The following SORCS3 variants were observed in gnomAD, a reference collection of about 807,000 sequenced individuals.
The protein encoded by SORCS3 is sortilin related VPS10 domain containing receptor 3.
SORCS3 carries 57 observed loss-of-function variants against 146.3 expected under a neutral mutation model. The observed-to-expected ratio is 0.39, with a 90% CI of 0.31 to 0.49. SORCS3 has a LOEUF of 0.49. Ranked by LOEUF, SORCS3 falls within the 20% of genes least tolerant of loss-of-function variation. The pLI is 0.92. For synonymous variants in SORCS3, 653 were observed against 618.5 expected, an observed-to-expected ratio of 1.06 and a Z score of -0.83; for missense variants, 1,341 against 1,575.5, an observed-to-expected ratio of 0.85 and a Z score of 2.52.
At chr10:105,016,447 C>A (rs993823778) in intron 4 of SORCS3, among the ~76,000 whole-genome samples, 1 of 151,704 alleles carries the variant, frequency 6.6e-6, no homozygotes, top group African/African-American at 2.4e-5. Context: ...CTGTGCCTGG[C>A]CTTATAAATA....
intron 2 of SORCS3, among the ~76,000 whole-genome samples, chr10:104,890,601 C>T (rs1264878166): frequency 6.6e-6 from 1 of 152,082 alleles, no homozygotes; most frequent in African/African-American, 2.4e-5. Context: ...GCTTCTTGAA[C>T]TTGTGGAATA....
At chr10:105,220,023 A>G (rs1364658184) in intron 19 of SORCS3, among the ~76,000 whole-genome samples, 1 of 152,206 alleles carries the variant, frequency 6.6e-6, no homozygotes, top group African/African-American at 2.4e-5. Flanking sequence ...CTGGGCCATT[A>G]GCTAACAAAA....
chr10:104,877,691 C>T (rs534129213), intron 2 of SORCS3, among the ~76,000 whole-genome samples: 2 of 152,060 alleles, frequency 1.3e-5, no homozygotes, highest in Non-Finnish European at 2.9e-5. Flanking sequence ...GGACAGAAAA[C>T]AGGCTAAGAG....
At chr10:104,914,985 AAGGG>A (rs2019009859) in intron 2 of SORCS3, among the ~76,000 whole-genome samples, 1 of 150,784 alleles carries the variant, frequency 6.6e-6, no homozygotes, top group Non-Finnish European at 1.5e-5. Flanking sequence ...GTGGTGGAAA[AAGGG>A]AGGGAGGTCT....
chr10:104,842,384 T>C (rs1330612141), intron 1 of SORCS3, among the ~76,000 whole-genome samples: 4 of 152,212 alleles, frequency 2.6e-5, no homozygotes, highest in African/African-American at 9.6e-5. Context: ...ACCCTTTTAG[T>C]TCCAATTCTG....
At chr10:105,204,939 A>G (rs919557583) in intron 16 of SORCS3, among the ~76,000 whole-genome samples, 6 of 152,216 alleles carry the variant, frequency 3.9e-5, no homozygotes, top group African/African-American at 1.2e-4. Context: ...TTTAATGCTA[A>G]TGCTAGAAAT....
chr10:104,956,782 A>T (rs1300124716), intron 3 of SORCS3, among the ~76,000 whole-genome samples: 6 of 152,166 alleles, frequency 3.9e-5, no homozygotes, highest in Non-Finnish European at 7.3e-5. Flanking sequence ...CACGTAACTG[A>T]ATGACCAAAT....
chr10:104,762,352 G>C (rs2017130778), intron 1 of SORCS3, among the ~76,000 whole-genome samples: 1 of 152,166 alleles, frequency 6.6e-6, no homozygotes, highest in Non-Finnish European at 1.5e-5. Context: ...GTTATTTCAA[G>C]CTAACAATGT....
intron 1 of SORCS3, 68 bp downstream of exon 1, chr10:104,642,022 G>GGGGGCCCCC: frequency 1.7e-5 from 3 of 173,336 alleles, no homozygotes; most frequent in East Asian, 1.5e-4. Flanking sequence ...GGGTGGGTGG[G>GGGGGCCCCC]AGCGAGGGAC....
intron 3 of SORCS3, among the ~76,000 whole-genome samples, chr10:104,950,653 C>T (rs1314116928): frequency 6.6e-6 from 1 of 152,116 alleles, no homozygotes; most frequent in African/African-American, 2.4e-5. Flanking sequence ...GAAGGGCTAG[C>T]ACAAGTGGCT....
intron 22 of SORCS3, among the ~76,000 whole-genome samples, chr10:105,250,448 A>G (rs1339036900): frequency 6.6e-6 from 1 of 152,192 alleles, no homozygotes; most frequent in Non-Finnish European, 1.5e-5. Flanking sequence ...CTCAGACCTC[A>G]AATCTCACAA....
chr10:105,014,069 A>C (rs1350317813), intron 4 of SORCS3, among the ~76,000 whole-genome samples: 1 of 83,484 alleles, frequency 1.2e-5, no homozygotes, highest in African/African-American at 4.9e-5. Flanking sequence ...CTAAATATAC[A>C]TATATATATA....
At chr10:104,972,003 A>AT (rs1564725393) in intron 3 of SORCS3, among the ~76,000 whole-genome samples, 1 of 152,156 alleles carries the variant, frequency 6.6e-6, no homozygotes. Context: ...GATCAATGTA[A>AT]TTGTGGCACT....
intron 1 of SORCS3, among the ~76,000 whole-genome samples, chr10:104,695,198 C>A (rs920463239): frequency 3.3e-5 from 5 of 152,110 alleles, no homozygotes; most frequent in African/African-American, 1.2e-4. Context: ...AGAATCTTCC[C>A]AGAGATATTT....
chr10:105,254,291 G>T (rs1244112861), intron 23 of SORCS3, among the ~76,000 whole-genome samples: 1 of 152,202 alleles, frequency 6.6e-6, no homozygotes, highest in African/African-American at 2.4e-5. Context: ...AGATTACAGA[G>T]CTAATGATGG....
At chr10:105,158,746 G>T (rs1249871071) in intron 10 of SORCS3, 146 bp from the exon 11 acceptor site, 9 of 624,410 alleles carry the variant, frequency 1.4e-5, no homozygotes, top group Non-Finnish European at 2.6e-5. Context: ...CTCAGGTGCG[G>T]ATATCTCCTG....
At chr10:104,992,676 A>T (rs1295639844) in intron 4 of SORCS3, among the ~76,000 whole-genome samples, 1 of 152,126 alleles carries the variant, frequency 6.6e-6, no homozygotes, top group Non-Finnish European at 1.5e-5. Flanking sequence ...GTGTCTTCCT[A>T]TTTCACACCA....
chr10:105,238,822 A>G (rs771011100), intron 20 of SORCS3, among the ~76,000 whole-genome samples: 70 of 152,212 alleles, frequency 4.6e-4, no homozygotes, highest in Non-Finnish European at 2.5e-4. Flanking sequence ...GAATTTTCAC[A>G]TTAATCCCAT....
chr10:104,886,418 G>C (rs2018684267), intron 2 of SORCS3, among the ~76,000 whole-genome samples: 1 of 151,932 alleles, frequency 6.6e-6, no homozygotes, highest in Admixed American at 6.6e-5. Flanking sequence ...TATGAACTTA[G>C]TTTCATATAT....
Sources: gnomAD v4.1 joint callset for allele counts (sites outside exome capture counted in the v4.1 genomes callset) on GRCh38, gnomAD v4.1.1 for gene constraint, MANE v1.5 for transcripts, NCBI Gene and HGNC (gene_info 2026-07-23, HGNC 2026-07-21) for gene names.